The following NUP210L variants were observed in gnomAD, a reference collection of about 807,000 sequenced individuals.
The protein encoded by NUP210L is nucleoporin 210 like, also known as nuclear pore membrane glycoprotein 210-like.
A neutral mutation model predicts 208.5 loss-of-function variants in NUP210L; 74 were observed. The ratio of observed to expected loss-of-function variants is 0.35; its 90% CI spans 0.29 to 0.43. The LOEUF (loss-of-function observed/expected upper bound fraction) is 0.43. Ranked by LOEUF, NUP210L falls within the 20% of genes least tolerant of loss-of-function variation. NUP210L has a pLI of 1.00. For missense variants in NUP210L, 1,843 were observed against 2,289.4 expected (o/e 0.81, Z 3.98); for synonymous variants, 780 against 816.9 (o/e 0.95, Z 0.77).
intron 27 of NUP210L, among the ~76,000 whole-genome samples, chr1:154,039,448 C>G (rs1274974232): frequency 6.6e-6 from 1 of 152,070 alleles, no homozygotes; most frequent in Non-Finnish European, 1.5e-5. Context: ...GTTGGCTAGG[C>G]TGGTCTCGAA....
intron 27 of NUP210L, among the ~76,000 whole-genome samples, chr1:154,034,391 A>G (rs758060790): frequency 2.6e-5 from 4 of 152,022 alleles, no homozygotes; most frequent in Non-Finnish European, 5.9e-5. Context: ...GTGCAGTGGC[A>G]TGATCTTGGC....
chr1:153,998,644 G>T (rs1650037069), intron 37 of NUP210L, among the ~76,000 whole-genome samples: 2 of 151,024 alleles, frequency 1.3e-5, no homozygotes, highest in South Asian at 4.2e-4. Flanking sequence ...ACCTTTGTGG[G>T]GATCCGTGGT....
chr1:154,033,140 G>T (rs1380062165), intron 27 of NUP210L, among the ~76,000 whole-genome samples: 1 of 152,104 alleles, frequency 6.6e-6, no homozygotes, highest in East Asian at 1.9e-4. Flanking sequence ...TTATATAATA[G>T]ATGTTAATCC....
intron 25 of NUP210L, among the ~76,000 whole-genome samples, chr1:154,052,699 T>C (rs530874547): frequency 2.1e-4 from 32 of 152,308 alleles, no homozygotes; most frequent in Admixed American, 9.8e-4. Context: ...ATAAATCTGC[T>C]CCTCTAATTG....
intron 37 of NUP210L, among the ~76,000 whole-genome samples, chr1:153,999,246 A>G (rs1351553104): frequency 6.6e-6 from 1 of 152,168 alleles, no homozygotes; most frequent in Non-Finnish European, 1.5e-5. Flanking sequence ...CAAATACAAT[A>G]TAAGGAGACT....
chr1:154,152,640 T>C (rs1659456571), intron 2 of NUP210L, 96 bp downstream of exon 2: 1 of 1,121,956 alleles, frequency 8.9e-7, no homozygotes, highest in Admixed American at 2.0e-5. Flanking sequence ...CTTTGATCAT[T>C]TGAAGCCAAC....
intron 10 of NUP210L, among the ~76,000 whole-genome samples, chr1:154,125,627 A>T (rs1338568822): frequency 1.6e-3 from 1 of 616 alleles, no homozygotes; most frequent in Non-Finnish European, 7.2e-3. Flanking sequence ...CTCTGAAAGG[A>T]AGGAAGGAAG....
chr1:154,064,365 C>T (rs1240745494), intron 17 of NUP210L, among the ~76,000 whole-genome samples: 1 of 152,074 alleles, frequency 6.6e-6, no homozygotes, highest in East Asian at 1.9e-4. Context: ...GCTTAATAAG[C>T]ACTTGGGCAT....
Position 154,018,926 on chromosome 1 carries a change from T to C in NUP210L, c.4653+7A>G, listed in dbSNP as rs1651408442. ...AGTCTCTTAAACTCTGATACAGTTATGTTTACCTCTCGATATGTTTTCACT... is the reference window on the plus strand; with the variant it reads ...AGTCTCTTAAACTCTGATACAGTTACGTTTACCTCTCGATATGTTTTCACT... On this transcript the variant is annotated splice_region_variant and intron_variant, in intron 33 of 39. Coordinates refer to ENST00000368559, the Ensembl canonical transcript of NUP210L. 1 of 1,614,028 alleles carries C rather than the reference T, an allele frequency of 6.2e-7. No individual in the cohort carries two copies. The highest frequency in any genetic ancestry group is 8.5e-7 in the Non-Finnish European group (1 of 1,179,948).
intron 12 of NUP210L, among the ~76,000 whole-genome samples, chr1:154,116,618 T>C (rs973499861): frequency 3.3e-5 from 5 of 151,894 alleles, no homozygotes; most frequent in African/African-American, 7.3e-5. Flanking sequence ...TCCTGGCTAC[T>C]TGGGAGGCCA....
At chr1:153,995,466 G>A (rs1035388645) in intron 37 of NUP210L, among the ~76,000 whole-genome samples, 17 of 151,824 alleles carry the variant, frequency 1.1e-4, no homozygotes, top group African/African-American at 1.7e-4. Context: ...TGGCTCAACC[G>A]CGTCTTTTTG....
At chr1:154,054,657 G>T in intron 24 of NUP210L, 113 bp downstream of exon 24, 1 of 842,242 alleles carries the variant, frequency 1.2e-6, no homozygotes, top group Non-Finnish European at 2.0e-6. Context: ...AGATCCACTA[G>T]TACTTGGGTG....
At chr1:154,125,964 T>G (rs1657943991) in intron 10 of NUP210L, among the ~76,000 whole-genome samples, 1 of 149,434 alleles carries the variant, frequency 6.7e-6, no homozygotes, top group African/African-American at 2.5e-5. Context: ...GAGACGGGGT[T>G]TCACCGTTTT....
At chr1:154,038,453 C>G (rs948693074) in intron 27 of NUP210L, among the ~76,000 whole-genome samples, 18 of 151,954 alleles carry the variant, frequency 1.2e-4, no homozygotes, top group Non-Finnish European at 5.9e-5. Flanking sequence ...AGCGATTCTC[C>G]TGCCTCAGCC....
intron 16 of NUP210L, chr1:154,079,758 G>A (rs1312106307): frequency 6.7e-6 from 1 of 149,984 alleles, no homozygotes; most frequent in Non-Finnish European, 1.5e-5. Context: ...CTTGGTCAAG[G>A]TCAAGATCTC....
intron 16 of NUP210L, among the ~76,000 whole-genome samples, chr1:154,083,223 C>A (rs1418345247): frequency 1.3e-5 from 2 of 152,144 alleles, no homozygotes; most frequent in African/African-American, 4.8e-5. Flanking sequence ...CTGATTGGTC[C>A]ATTTTACAGA....
chr1:153,993,873 GGGTGACAAT>G (rs1300576643), intron 38 of NUP210L, among the ~76,000 whole-genome samples: 2 of 152,132 alleles, frequency 1.3e-5, no homozygotes, highest in African/African-American at 4.8e-5. Flanking sequence ...ACACCAGCCT[GGGTGACAAT>G]GGGACTCCAT....
At chr1:154,076,017 G>A (rs935403513) in intron 16 of NUP210L, among the ~76,000 whole-genome samples, 5 of 151,652 alleles carry the variant, frequency 3.3e-5, no homozygotes, top group African/African-American at 1.2e-4. Flanking sequence ...TCGAATTCCT[G>A]GACTCAAAGG....
chr1:154,041,961 A>G (rs1652906046), intron 27 of NUP210L, among the ~76,000 whole-genome samples: 1 of 152,170 alleles, frequency 6.6e-6, no homozygotes, highest in Non-Finnish European at 1.5e-5. Context: ...TGCAGATTTC[A>G]ATCAGTTATC....
Sources: allele counts gnomAD v4.1 joint callset (sites outside exome capture counted in the v4.1 genomes callset), GRCh38; gene constraint gnomAD v4.1.1; transcripts MANE v1.5; gene names NCBI Gene and HGNC (gene_info 2026-07-23, HGNC 2026-07-21).